The following ZNF407 variants were observed in gnomAD, a reference collection of about 807,000 sequenced individuals.
The protein encoded by ZNF407 is zinc finger protein 407.
A neutral mutation model predicts 131.2 loss-of-function variants in ZNF407; 17 were observed. That is an observed-to-expected ratio of 0.13 (90% CI 0.09 to 0.19). ZNF407 has a LOEUF of 0.19. Among genes scored for constraint, ZNF407 ranks in the 10% least tolerant of loss-of-function variants. The pLI is 1.00. For synonymous variants in ZNF407, 1,156 were observed against 1,062.0 expected (o/e 1.09, Z -1.72); for missense variants, 2,681 against 2,830.6 (o/e 0.95, Z 1.20).
chr18:74,627,796 TTC>T (rs1208077986), intron 1 of ZNF407, among the ~76,000 whole-genome samples: 3 of 108,408 alleles, frequency 2.8e-5, no homozygotes, highest in South Asian at 3.0e-4. Flanking sequence ...CTCTCTCTCT[TTC>T]TCTCTTTCTC....
At chr18:74,909,710 T>A (rs1971643340) in intron 7 of ZNF407, among the ~76,000 whole-genome samples, 1 of 152,146 alleles carries the variant, frequency 6.6e-6, no homozygotes, top group Admixed American at 6.5e-5. Context: ...AGAAATAATA[T>A]TTTTTGGAGA....
intron 4 of ZNF407, among the ~76,000 whole-genome samples, chr18:74,787,251 A>G (rs1052088120): frequency 2.6e-5 from 4 of 152,230 alleles, no homozygotes; most frequent in African/African-American, 9.7e-5. Context: ...TAATAAACCA[A>G]CAATTTACTA....
intron 4 of ZNF407, chr18:74,804,002 G>A (rs1191239616): frequency 6.4e-7 from 1 of 1,551,686 alleles, no homozygotes; most frequent in East Asian, 2.4e-5. Context: ...ACGTTGCCAG[G>A]AATACAGAAC....
At chr18:74,911,581 A>G (rs1310498729) in intron 7 of ZNF407, among the ~76,000 whole-genome samples, 1 of 152,110 alleles carries the variant, frequency 6.6e-6, no homozygotes, top group Admixed American at 6.5e-5. Context: ...ATATTACATA[A>G]GGGGGTTTGA....
intron 8 of ZNF407, among the ~76,000 whole-genome samples, chr18:75,059,917 G>A (rs1973605363): frequency 6.6e-6 from 1 of 152,198 alleles, no homozygotes; most frequent in Admixed American, 6.5e-5. Flanking sequence ...GGCACCAGGC[G>A]GGGATGGACG....
chr18:74,731,333 C>T (rs916272146), intron 3 of ZNF407, among the ~76,000 whole-genome samples: 1 of 152,170 alleles, frequency 6.6e-6, no homozygotes, highest in African/African-American at 2.4e-5. Flanking sequence ...TTGTACTAGT[C>T]GAATTCCATC....
chr18:74,941,110 T>C (rs958100321), intron 8 of ZNF407, among the ~76,000 whole-genome samples: 25 of 152,128 alleles, frequency 1.6e-4, no homozygotes, highest in African/African-American at 5.8e-4. Flanking sequence ...ATCCCTCTTA[T>C]TCTCTTGTGA....
At chr18:74,837,028 A>G (rs796605015) in intron 4 of ZNF407, among the ~76,000 whole-genome samples, 3 of 152,354 alleles carry the variant, frequency 2.0e-5, no homozygotes, top group African/African-American at 7.2e-5. Flanking sequence ...ATTTCCTTCC[A>G]GAAGAGGTCA....
chr18:74,960,498 A>G (rs1972328351), intron 8 of ZNF407, among the ~76,000 whole-genome samples: 1 of 141,912 alleles, frequency 7.0e-6, no homozygotes, highest in Non-Finnish European at 1.5e-5. Flanking sequence ...GCATAGGAGA[A>G]GGTCCTGAGT....
chr18:74,745,394 A>C (rs1299458677), intron 3 of ZNF407, among the ~76,000 whole-genome samples: 1 of 152,152 alleles, frequency 6.6e-6, no homozygotes, highest in Non-Finnish European at 1.5e-5. Context: ...AAATATTCTC[A>C]ATCTCACCTG....
At chr18:74,842,924 CCAGGCTTCTCTCGAACTCCTGACCT>C in intron 4 of ZNF407, among the ~76,000 whole-genome samples, 1 of 152,100 alleles carries the variant, frequency 6.6e-6, no homozygotes, top group East Asian at 1.9e-4. Context: ...TGCATGTTGG[CCAGGCTTCTCTCGAACTCCTGACCT>C]CAGATGACCT....
At chr18:74,995,891 A>G (rs17056113) in intron 8 of ZNF407, among the ~76,000 whole-genome samples, 4,305 of 152,302 alleles carry the variant, frequency 0.028, 183 homozygotes, top group African/African-American at 0.095. Context: ...GAGAATTTTT[A>G]GAATTGTTAG....
intron 4 of ZNF407, among the ~76,000 whole-genome samples, chr18:74,853,198 T>C (rs1034128732): frequency 6.6e-6 from 1 of 152,204 alleles, no homozygotes; most frequent in Non-Finnish European, 1.5e-5. Flanking sequence ...CAATTAATGC[T>C]CCTAGCCACT....
At position 75,063,241 on chromosome 18, in the gene ZNF407, A is replaced by C. The variant is rs747607968; in HGVS notation, c.5520A>C (p.Ala1840=). 6.2e-7 allele frequency: 1 copy of C among 1,613,544 alleles called. No homozygotes were observed. The highest frequency in any genetic ancestry group is 1.7e-5 in the Admixed American group (1 of 60,028). Residue 1840 remains alanine (A), a synonymous_variant, in exon 9 of 9, where the codon GCA becomes GCC. Coordinates refer to ENST00000299687, the MANE Select transcript of ZNF407 (RefSeq NM_017757.3). This position sits in a 1 kb window ranked among gnomAD's most constrained non-coding sequence, Gnocchi z 6.6. ...TDSPFTAAAL[A]EEPLVKEKPL... is the part of the protein sequence containing the mutation. ...GCCCCTTCACCGCGGCGGCCTTGGC[A>C]GAAGAGCCCCTCGTCAAGGAGAAGC...
intron 4 of ZNF407, among the ~76,000 whole-genome samples, chr18:74,869,652 T>TG (rs1167234710): frequency 1.3e-5 from 2 of 151,898 alleles, no homozygotes; most frequent in Non-Finnish European, 2.9e-5. Context: ...GGGGCAGAAG[T>TG]GGGGGGATTT....
At chr18:74,915,599 T>G (rs1430226363) in intron 7 of ZNF407, among the ~76,000 whole-genome samples, 1 of 133,756 alleles carries the variant, frequency 7.5e-6, no homozygotes, top group Non-Finnish European at 1.6e-5. Context: ...GGTGAGGTTG[T>G]GTGCAGCATT....
intron 4 of ZNF407, among the ~76,000 whole-genome samples, chr18:74,790,801 A>AT (rs1021319587): frequency 3.9e-5 from 6 of 152,194 alleles, no homozygotes; most frequent in South Asian, 4.1e-4. Flanking sequence ...CCGAATTAAA[A>AT]TTTTTTGTGA....
intron 8 of ZNF407, among the ~76,000 whole-genome samples, chr18:74,937,051 T>A (rs1299717391): frequency 6.6e-6 from 1 of 152,184 alleles, no homozygotes. Context: ...ATTTTGGACA[T>A]TTTGCTCCCA....
At chr18:75,041,522 C>T (rs982421597) in intron 8 of ZNF407, among the ~76,000 whole-genome samples, 3 of 151,698 alleles carry the variant, frequency 2.0e-5, no homozygotes, top group South Asian at 2.1e-4. Flanking sequence ...TCCACTCCTA[C>T]GATGTCTTTT....
Sources: allele counts gnomAD v4.1 joint callset (sites outside exome capture counted in the v4.1 genomes callset), GRCh38; gene constraint gnomAD v4.1.1; non-coding constraint Gnocchi (gnomAD v3.1); transcripts MANE v1.5; gene names NCBI Gene and HGNC (gene_info 2026-07-23, HGNC 2026-07-21).